MED13: variants seen among roughly 807,000 people sequenced by gnomAD.
MED13 encodes mediator complex subunit 13.
A neutral mutation model predicts 225.2 loss-of-function variants in MED13; 23 were observed. The ratio of observed to expected loss-of-function variants is 0.10; its 90% CI spans 0.07 to 0.14. MED13 has a LOEUF of 0.14. Among genes scored for constraint, MED13 ranks in the 10% least tolerant of loss-of-function variants. The pLI is 1.00. For missense variants in MED13, 2,197 were observed against 2,594.5 expected (o/e 0.85, Z 3.33); for synonymous variants, 942 against 889.2 (o/e 1.06, Z -1.06).
intron 2 of MED13, among the ~76,000 whole-genome samples, chr17:62,057,017 G>A (rs1329006251): frequency 6.6e-6 from 1 of 151,810 alleles, no homozygotes; most frequent in East Asian, 1.9e-4. Flanking sequence ...CTCTATCAAT[G>A]GGGAAAAAAA....
intron 10 of MED13, among the ~76,000 whole-genome samples, 167 bp from the exon 11 acceptor site, chr17:61,992,788 G>T (rs571565504): frequency 0.025 from 3,152 of 127,832 alleles, 106 homozygotes; most frequent in African/African-American, 0.085. Flanking sequence ...ACTTTTTTTT[G>T]AGATGGACTC....
intron 11 of MED13, among the ~76,000 whole-genome samples, chr17:61,988,270 G>A (rs546901083): frequency 2.0e-5 from 3 of 152,166 alleles, no homozygotes; most frequent in South Asian, 2.1e-4. Context: ...AAATATTACC[G>A]CTTAGTTACC....
rs2143297720 is a variant in MED13 at position 61,953,188 on chromosome 17, A to G, written c.5969-75T>C. The G allele has an allele frequency of 4.8e-6, 7 of 1,447,862 alleles. No homozygotes were observed. The South Asian group carries it at 6.8e-5, about 14-fold the overall frequency. The allele number at this position is 1,447,862 out of a possible 1,614,324, so 89.7% of individuals were successfully genotyped here. Reference sequence around the variant, plus strand: ...TGGTCATTCACAGGAAAGGGTCAAAATAAATGAAATTTTAACCAAAATGGG... The same window carrying G: ...TGGTCATTCACAGGAAAGGGTCAAAGTAAATGAAATTTTAACCAAAATGGG... On this transcript the variant is annotated intron_variant, in intron 26 of 29. Transcript: ENST00000397786.
rs2079836198 is a variant in MED13, at chr17:61,944,285, TTTG to T, written c.*2180_*2182del. The T allele has an allele frequency of 6.6e-6, 1 of 152,592 alleles. No individual in the cohort carries two copies. The highest frequency in any genetic ancestry group is 1.5e-5 in the Non-Finnish European group (1 of 68,000). The allele number at this position is 152,592 out of a possible 1,614,324, so 9.5% of individuals were successfully genotyped here. On this transcript the variant is annotated 3_prime_UTR_variant, in exon 30 of 30. Coordinates refer to ENST00000397786, the MANE Select transcript of MED13 (RefSeq NM_005121.3). Reference sequence around the variant, plus strand: ...AAACAACTGAGAATATAACTTTTATTTTGTAAAGTCACTATTAAGTGTATAAAA... The same window carrying T: ...AAACAACTGAGAATATAACTTTTATTTAAAGTCACTATTAAGTGTATAAAA...
intron 2 of MED13, among the ~76,000 whole-genome samples, chr17:62,053,383 G>A (rs901681507): frequency 1.3e-5 from 2 of 152,108 alleles, no homozygotes. Context: ...TAAAATTATA[G>A]CTATCTTCAC....
intron 9 of MED13, among the ~76,000 whole-genome samples, chr17:62,003,305 A>G (rs1160232797): frequency 6.6e-6 from 1 of 152,172 alleles, no homozygotes; most frequent in Non-Finnish European, 1.5e-5. Context: ...AACAAGGCTT[A>G]TATCTAAAAG....
Position 61,982,567 on chromosome 17 carries a change from G to C in MED13, c.3436C>G (p.Leu1146Val). The C allele has an allele frequency of 6.2e-7, 1 of 1,614,088 alleles. No homozygotes were observed. The highest frequency in any genetic ancestry group is 8.5e-7 in the Non-Finnish European group (1 of 1,180,034). ...NNSGLFLEDE[L>V]DIIGRNTDCG... ...TCTGTATTGCGTCCTATGATATCTAGTTCATCTTCAAGAAATAATCCTGAA... is the reference window on the plus strand; with the variant it reads ...TCTGTATTGCGTCCTATGATATCTACTTCATCTTCAAGAAATAATCCTGAA... The change falls in exon 16 of 30, where the codon CTA becomes GTA. Residue 1146 changes from leucine to valine, a missense_variant. Transcript: ENST00000397786.
At chr17:61,998,019 GTCAATT>G (rs1192329298) in intron 9 of MED13, among the ~76,000 whole-genome samples, 7 of 151,962 alleles carry the variant, frequency 4.6e-5, no homozygotes, top group African/African-American at 1.7e-4. Flanking sequence ...TTTAAATGTA[GTCAATT>G]TCAAGAGTAT....
chr17:62,048,757 G>A (rs2080926109), intron 3 of MED13, among the ~76,000 whole-genome samples: 2 of 152,052 alleles, frequency 1.3e-5, no homozygotes, highest in South Asian at 2.1e-4. Context: ...AATACTGGCA[G>A]GTGGGTGACA....
At chr17:62,055,547 G>A (rs2080990180) in intron 2 of MED13, among the ~76,000 whole-genome samples, 1 of 152,170 alleles carries the variant, frequency 6.6e-6, no homozygotes, top group African/African-American at 2.4e-5. Flanking sequence ...GTGAGGCCAT[G>A]TGCGGTGGCT....
At chr17:62,062,557 A>G (rs537799603) in intron 2 of MED13, among the ~76,000 whole-genome samples, 85 of 151,020 alleles carry the variant, frequency 5.6e-4, no homozygotes, top group African/African-American at 1.9e-3. Flanking sequence ...ACAAATGACA[A>G]TAACAAAATA....
At chr17:61,951,677 C>T (rs144955195) in intron 27 of MED13, among the ~76,000 whole-genome samples, 50 of 152,010 alleles carry the variant, frequency 3.3e-4, no homozygotes, top group Non-Finnish European at 6.2e-4. Context: ...GCAACATAAA[C>T]GTATGTGGAA....
At chr17:62,058,853 T>G (rs149732968) in intron 2 of MED13, among the ~76,000 whole-genome samples, 1 of 152,354 alleles carries the variant, frequency 6.6e-6, no homozygotes, top group East Asian at 1.9e-4. Flanking sequence ...GTTTAAAGTA[T>G]GTATTAAATC....
intron 15 of MED13, among the ~76,000 whole-genome samples, chr17:61,983,885 C>T (rs1460563234): frequency 1.3e-5 from 2 of 151,932 alleles, no homozygotes; most frequent in East Asian, 1.9e-4. Flanking sequence ...TGCGCCACCA[C>T]GCTTGGCTAA....
rs1446302794 is a variant in MED13, at chr17:61,955,683, G to T, written c.5779C>A (p.Pro1927Thr). ...ATATAAACTAAAGATAGCTAACCTGGCATAATAACAAAAGAGCCTTGCGGC... is the reference window on the plus strand; with the variant it reads ...ATATAAACTAAAGATAGCTAACCTGTCATAATAACAAAAGAGCCTTGCGGC... ...MEPQGSFVIM[P>T]DSVSTGSVFG... The change falls in exon 25 of 30, where the codon CCA becomes ACA. Residue 1927 changes from proline (P) to threonine (T), a missense_variant. Pro to Thr is a conservative substitution (Grantham distance 38, BLOSUM62 -1). Coordinates refer to ENST00000397786, the MANE Select transcript of MED13 (RefSeq NM_005121.3). 1.3e-6 allele frequency: 2 copies of T among 1,593,830 alleles called. No homozygotes were observed. Among genetic ancestry groups the T allele is most frequent in the Non-Finnish European group, 1.7e-6 (2 of 1,174,906 alleles).
rs1182358575 is a variant in MED13, at chr17:61,942,671, A to T, written c.*3797T>A. On this transcript the variant is annotated 3_prime_UTR_variant, in exon 30 of 30. Transcript: ENST00000397786. ...TTTTGTTTTTGTTTTTTTTTTTTTA[A>T]AAAGTATAAACCTTTTCATTTCCTC... 17 of 151,548 alleles carry T rather than the reference A, an allele frequency of 1.1e-4. No homozygotes were observed. Among genetic ancestry groups the T allele is most frequent in the African/African-American group, 2.2e-4 (9 of 41,206 alleles). The allele number at this position is 151,548 out of a possible 1,614,324, so 9.4% of individuals were successfully genotyped here.
chr17:62,058,460 G>A (rs531590057), intron 2 of MED13, among the ~76,000 whole-genome samples: 5 of 146,960 alleles, frequency 3.4e-5, no homozygotes, highest in Admixed American at 1.4e-4. Flanking sequence ...GGCGGAGGTC[G>A]CAGTGAGCCA....
In MED13 at chr17:61,982,406, T is replaced by A. The variant is rs761209927; in HGVS notation, c.3597A>T (p.Leu1199Phe). 6.2e-7 allele frequency: 1 copy of A among 1,614,196 alleles called. No homozygotes were observed. The highest frequency in any genetic ancestry group is 1.1e-5 in the South Asian group (1 of 91,082). The part of the protein sequence containing the change: ...ILLLQDQCTN[L>F]FSPFGAADQD... Reference sequence around the variant, plus strand: ...GGTCTGCTGCTCCAAAGGGTGAAAATAAATTAGTGCACTGATCTTGTAGCA... The same window carrying A: ...GGTCTGCTGCTCCAAAGGGTGAAAAAAAATTAGTGCACTGATCTTGTAGCA... The change falls in exon 16 of 30, where the codon TTA becomes TTT. Residue 1199 changes from leucine to phenylalanine, a missense_variant. Physicochemically the swap from Leu to Phe is conservative, Grantham distance 22. Coordinates refer to ENST00000397786, the MANE Select transcript of MED13 (RefSeq NM_005121.3).
At chr17:61,955,865 A>AG in intron 24 of MED13, 27 bp from the exon 25 acceptor site, 2 of 1,497,810 alleles carry the variant, frequency 1.3e-6, no homozygotes, top group Non-Finnish European at 1.8e-6. Flanking sequence ...TAAAAAAAAA[A>AG]AAAAAAAAAA....
Sources: gnomAD v4.1 joint callset for allele counts (sites outside exome capture counted in the v4.1 genomes callset) on GRCh38, gnomAD v4.1.1 for gene constraint, MANE v1.5 for transcripts, NCBI Gene and HGNC (gene_info 2026-07-23, HGNC 2026-07-21) for gene names.